The following CDH4 variants were observed in gnomAD, a reference collection of about 807,000 sequenced individuals.
CDH4 encodes the protein cadherin 4.
A neutral mutation model predicts 86.0 loss-of-function variants in CDH4; 33 were observed. The observed-to-expected ratio is 0.38, with a 90% confidence interval of 0.29 to 0.51. The LOEUF is 0.51. Among genes scored for constraint, CDH4 ranks in the 20% least tolerant of loss-of-function variants. The pLI, the probability that CDH4 is intolerant of heterozygous loss-of-function variation, is 0.86. For missense variants in CDH4, 1,114 were observed against 1,307.4 expected, an observed-to-expected ratio of 0.85 and a Z score of 2.28; for synonymous variants, 555 against 549.4, an observed-to-expected ratio of 1.01 and a Z score of -0.14.
At chr20:61,700,782 G>A (rs933066231) in intron 2 of CDH4, among the ~76,000 whole-genome samples, 1 of 152,144 alleles carries the variant, frequency 6.6e-6, no homozygotes, top group Admixed American at 6.5e-5. Context: ...TGTCTTCATG[G>A]CCCAGGCCTG....
intron 2 of CDH4, among the ~76,000 whole-genome samples, chr20:61,588,982 C>T (rs994553012): frequency 6.6e-6 from 1 of 152,210 alleles, no homozygotes; most frequent in Non-Finnish European, 1.5e-5. Flanking sequence ...TATATGCAAA[C>T]ATCGATAATT....
chr20:61,593,474 A>G (rs902725583), intron 2 of CDH4, among the ~76,000 whole-genome samples: 1 of 152,216 alleles, frequency 6.6e-6, no homozygotes, highest in Non-Finnish European at 1.5e-5. Context: ...CCAGCAATGC[A>G]TGAGGGCTGC....
chr20:61,569,686 T>G (rs1354681217), intron 2 of CDH4, among the ~76,000 whole-genome samples: 4 of 152,164 alleles, frequency 2.6e-5, no homozygotes, highest in Admixed American at 6.5e-5. Context: ...CCCCCAAATT[T>G]TTTTTTGAGG....
chr20:61,832,716 C>A (rs1420297216), intron 4 of CDH4, among the ~76,000 whole-genome samples: 1 of 152,128 alleles, frequency 6.6e-6, no homozygotes, highest in East Asian at 1.9e-4. Context: ...TCATCTCCCA[C>A]CAGGTCTCCC....
At chr20:61,370,772 A>G (rs1008311936) in intron 2 of CDH4, 4 of 152,242 alleles carry the variant, frequency 2.6e-5, no homozygotes, top group African/African-American at 9.6e-5. Flanking sequence ...CTTTTTAATG[A>G]GAGTACACAA....
At chr20:61,913,817 T>A (rs544213008) in intron 9 of CDH4, among the ~76,000 whole-genome samples, 1 of 152,204 alleles carries the variant, frequency 6.6e-6, no homozygotes, top group South Asian at 2.1e-4. Context: ...GAGGAGGTGC[T>A]GACAGCAGCC....
intron 2 of CDH4, among the ~76,000 whole-genome samples, chr20:61,305,313 G>A (rs902250111): frequency 3.3e-5 from 5 of 152,182 alleles, no homozygotes; most frequent in African/African-American, 4.8e-5. Flanking sequence ...TGCACCTGCC[G>A]TATCTTATGC....
chr20:61,557,444 T>C (rs527793362), intron 2 of CDH4, among the ~76,000 whole-genome samples: 1 of 152,218 alleles, frequency 6.6e-6, no homozygotes, highest in East Asian at 1.9e-4. Context: ...CACAAGATCA[T>C]GCAAAAGCCA....
chr20:61,670,752 G>A (rs1011414), intron 2 of CDH4, among the ~76,000 whole-genome samples: 22,149 of 152,234 alleles, frequency 0.15, 2,170 homozygotes, highest in Non-Finnish European at 0.22. Context: ...GGGTGTCAAC[G>A]AGGATGAGGG....
chr20:61,617,546 C>T (rs1180974176), intron 2 of CDH4, among the ~76,000 whole-genome samples: 1 of 152,212 alleles, frequency 6.6e-6, no homozygotes, highest in Non-Finnish European at 1.5e-5. Flanking sequence ...AGAAAATGCA[C>T]AGGCACAGCT....
intron 7 of CDH4, among the ~76,000 whole-genome samples, chr20:61,893,410 GGA>G (rs1984938094): frequency 6.6e-6 from 1 of 151,414 alleles, no homozygotes. Flanking sequence ...GATGGTGGAT[GGA>G]GGGGTGAGTG....
At chr20:61,665,284 G>A (rs1475938873) in intron 2 of CDH4, among the ~76,000 whole-genome samples, 4 of 152,244 alleles carry the variant, frequency 2.6e-5, no homozygotes, top group Non-Finnish European at 4.4e-5. Context: ...CAGGGCTCCC[G>A]CCCTTCAATT....
At position 61,678,017 on chromosome 20, in the gene CDH4, T is replaced by C. The variant is rs1372841005; in HGVS notation, c.170-65546T>C. Among the ~76,000 whole-genome samples, 3 of 152,064 alleles carry C rather than the reference T, an allele frequency of 2.0e-5. No individual in the cohort carries two copies. In the East Asian group the frequency reaches 5.8e-4, roughly 29 times the overall value. Reference sequence around the variant, plus strand: ...TAGATGGATGACAGAAGATAGATAATAGATGGATAAATAGGTAGATAGATG... The same window carrying C: ...TAGATGGATGACAGAAGATAGATAACAGATGGATAAATAGGTAGATAGATG... On this transcript the variant is annotated intron_variant, in intron 2 of 15. Transcript: ENST00000614565.
chr20:61,843,694 A>T (rs1379171108), intron 4 of CDH4, among the ~76,000 whole-genome samples: 1 of 51,652 alleles, frequency 1.9e-5, no homozygotes, highest in Non-Finnish European at 7.7e-5. Context: ...CTCTAAAAAA[A>T]AAAAAAAAAA....
rs565147426 is a variant in CDH4, at chr20:61,938,127, C to G, written c.*1184C>G. 1.3e-5 allele frequency: 2 copies of G among 152,282 alleles called. No homozygotes were observed. 9.4% of individuals were successfully genotyped at this position (152,282 alleles called of 1,614,324 possible). A position where few individuals can be genotyped will look rare whatever the true frequency, so the allele number is the denominator to read the frequency against. On this transcript the variant is annotated 3_prime_UTR_variant, in exon 16 of 16. Transcript: ENST00000614565. ...GCCCCGTCTTGCCGTGCCTACCTGT[C>G]GCACAGATGCCTCTGCACGCTGCAG...
chr20:61,734,560 G>A (rs548964098), intron 2 of CDH4, among the ~76,000 whole-genome samples: 82 of 152,262 alleles, frequency 5.4e-4, no homozygotes, highest in African/African-American at 1.9e-3. Flanking sequence ...TCTGGGCCCC[G>A]CATGGTGCAG....
At chr20:61,257,828 A>G (rs1600810992) in intron 2 of CDH4, among the ~76,000 whole-genome samples, 1 of 152,130 alleles carries the variant, frequency 6.6e-6, no homozygotes, top group South Asian at 2.1e-4. Flanking sequence ...TGGTGGGCGG[A>G]GTCTAGGCAC....
intron 15 of CDH4, among the ~76,000 whole-genome samples, chr20:61,935,218 A>G (rs1194219652): frequency 6.6e-6 from 1 of 152,190 alleles, no homozygotes; most frequent in African/African-American, 2.4e-5. Context: ...CAACACTTAG[A>G]CCTCAGCCTA....
chr20:61,408,902 G>A (rs139266814), intron 2 of CDH4, among the ~76,000 whole-genome samples: 5 of 152,280 alleles, frequency 3.3e-5, no homozygotes, highest in African/African-American at 4.8e-5. Flanking sequence ...ACGGGGTCAC[G>A]GGCCCACTGG....
Sources: gnomAD v4.1 joint callset for allele counts (sites outside exome capture counted in the v4.1 genomes callset) on GRCh38, gnomAD v4.1.1 for gene constraint, MANE v1.5 for transcripts, NCBI Gene and HGNC (gene_info 2026-07-23, HGNC 2026-07-21) for gene names.